KMT2D: variants seen among roughly 807,000 people sequenced by gnomAD.
KMT2D encodes histone-lysine N-methyltransferase 2D.
A neutral mutation model predicts 512.7 loss-of-function variants in KMT2D; 55 were observed. That is an observed-to-expected ratio of 0.11 (90% CI 0.09 to 0.13). The LOEUF (loss-of-function observed/expected upper bound fraction) is 0.13. Ranked by LOEUF, KMT2D falls within the 10% of genes least tolerant of loss-of-function variation. The pLI, the probability that KMT2D is intolerant of heterozygous loss-of-function variation, is 1.00. For synonymous variants in KMT2D, 2,995 were observed against 2,904.0 expected (o/e 1.03, Z -1.01); for missense variants, 6,061 against 7,127.9 (o/e 0.85, Z 5.39).
At position 49,038,532 on chromosome 12, in the gene KMT2D, A is replaced by G. The variant is rs774569172; in HGVS notation, c.8824T>C (p.Leu2942=). 6.2e-6 allele frequency: 10 copies of G among 1,610,640 alleles called. No individual in the cohort carries two copies. Among genetic ancestry groups the G allele is most frequent in the Non-Finnish European group, 8.5e-6 (10 of 1,177,406 alleles). ...QKPSAPPAPE[L]NNSLHPTPHT... ...GGTGTTGGATGAAGACTGTTGTTCA[A>G]TTCAGGGGCCGGTGGGGCTGAGGGT... The change falls in exon 35 of 55, where the codon TTG becomes CTG. Residue 2942 remains leucine, a synonymous_variant. Coordinates refer to ENST00000301067, the MANE Select transcript of KMT2D (RefSeq NM_003482.4). The surrounding 1 kb of genome is among the most constrained non-coding windows in gnomAD (Gnocchi z 5.7).
chr12:49,043,015 G>T, intron 26 of KMT2D, 61 bp downstream of exon 26: 1 of 1,558,958 alleles, frequency 6.4e-7, no homozygotes, highest in South Asian at 1.1e-5. Flanking sequence ...CCAAAGATAG[G>T]ACCTCCTCCT....
intron 1 of KMT2D, among the ~76,000 whole-genome samples, chr12:49,058,533 AAGGCCCAC>A (rs1938546833): frequency 6.6e-6 from 1 of 152,176 alleles, no homozygotes; most frequent in South Asian, 2.1e-4. Flanking sequence ...CAGCCCAAGC[AAGGCCCAC>A]AGGATTGAGG....
In KMT2D at chr12:49,040,923, T is replaced by C. The variant is rs2120537766; in HGVS notation, c.6847A>G (p.Lys2283Glu). The C allele has an allele frequency of 1.9e-6, 3 of 1,613,678 alleles. No individual in the cohort carries two copies. The highest frequency in any genetic ancestry group is 2.5e-6 in the Non-Finnish European group (3 of 1,179,696). Residue 2283 changes from lysine to glutamate, a missense_variant, in exon 32 of 55, where the codon AAG (lysine) becomes GAG (glutamate). By Grantham distance (56) the Lys-to-Glu change is moderately conservative. Around this residue, in one of 16 missense-constraint regions of KMT2D, gnomAD observed 710 missense variants for 647.3 expected, o/e 1.10. Coordinates refer to ENST00000301067, the MANE Select transcript of KMT2D (RefSeq NM_003482.4). ...TCTTCCTTCTTCACCTCTAGGGCCTTCCGGGACTCCCCAAAAGGTGGGGGC... is the reference window on the plus strand; with the variant it reads ...TCTTCCTTCTTCACCTCTAGGGCCTCCCGGGACTCCCCAAAAGGTGGGGGC... ...LSPPPFGESR[K>E]ALEVKKEELG...
In KMT2D at chr12:49,054,652, G is replaced by A. The variant is rs1938294743; in HGVS notation, c.276C>T (p.Pro92=). Residue 92 remains proline, a synonymous_variant, in exon 4 of 55, where the codon CCC becomes CCT. Coordinates refer to ENST00000301067, the MANE Select transcript of KMT2D (RefSeq NM_003482.4). This position sits in a 1 kb window ranked among gnomAD's most constrained non-coding sequence, Gnocchi z 6.4. ...LRRFELPFDW[P]RCPVVSPGGS... is the part of the protein sequence containing the mutation. The stretch of plus-strand genomic sequence containing the variant: ...CCCCAGGGGACACCACTGGACACCG[G>A]GGCCAATCAAATGGCAACTCAAAGC... The A allele has an allele frequency of 5.0e-6, 8 of 1,612,774 alleles. No individual in the cohort carries two copies. The South Asian group carries it at 5.5e-5, about 11-fold the overall frequency.
At position 49,032,303 on chromosome 12, in the gene KMT2D, C is replaced by T. The variant is rs753944196; in HGVS notation, c.12402G>A (p.Leu4134=). 1.2e-6 allele frequency: 2 copies of T among 1,613,802 alleles called. No individual in the cohort carries two copies. Among genetic ancestry groups the T allele is most frequent in the Non-Finnish European group, 8.5e-7 (1 of 1,179,844 alleles). ...CCCCTAAGGAAACAGAGGGCTGAGCCAGCAGGTGGGGCACAGATGAGGCCT... is the reference window on the plus strand; with the variant it reads ...CCCCTAAGGAAACAGAGGGCTGAGCTAGCAGGTGGGGCACAGATGAGGCCT... ...SSEASSVPHL[L]AQPSVSLGDQ... The change falls in exon 40 of 55, where the codon CTG becomes CTA. Residue 4134 remains leucine, a synonymous_variant. Coordinates refer to ENST00000301067, the MANE Select transcript of KMT2D (RefSeq NM_003482.4).
chr12:49,060,420 C>A lies in KMT2D; in HGVS notation c.-845G>T, dbSNP rs1174642532. ...TGCCCCGCCCCCGGCCTGGCCGGCT[C>A]TGGTCGGTGGCACCCCCTCGACCCC... On this transcript the variant is annotated 5_prime_UTR_variant, in exon 1 of 55. Coordinates refer to ENST00000301067, the MANE Select transcript of KMT2D (RefSeq NM_003482.4). Among the ~76,000 whole-genome samples, 1 of 152,198 alleles carries A rather than the reference C, an allele frequency of 6.6e-6. No homozygotes were observed. Among genetic ancestry groups the A allele is most frequent in the Non-Finnish European group, 1.5e-5 (1 of 68,020 alleles).
chr12:49,030,871 G>C (rs759758831), intron 41 of KMT2D, 22 bp downstream of exon 41: 1 of 1,613,468 alleles, frequency 6.2e-7, no homozygotes, highest in South Asian at 1.1e-5. Context: ...GGGACCAGGG[G>C]GACTGTCTCC....
In KMT2D at chr12:49,037,726, C is replaced by T. The variant is rs1943290097; in HGVS notation, c.9630G>A (p.Leu3210=). 3 of 1,588,070 alleles carry T rather than the reference C, an allele frequency of 1.9e-6. No individual in the cohort carries two copies. The highest frequency in any genetic ancestry group is 1.8e-5 in the Admixed American group (1 of 56,198). The stretch of plus-strand genomic sequence containing the variant: ...CCCCACTCTCGAGCTCAAACTTTTC[C>T]AGCAGGGAGGATCCTCCTGGGCCAC... ...PLSGPGGSSL[L]EKFELESGAL... The change falls in exon 35 of 55, where the codon CTG becomes CTA. Residue 3210 remains leucine (L), a synonymous_variant. Transcript: ENST00000301067.
chr12:49,032,285 G>A lies in KMT2D; in HGVS notation c.12420C>T (p.Ser4140=), dbSNP rs1942959087. 2 of 1,613,956 alleles carry A rather than the reference G, an allele frequency of 1.2e-6. No individual in the cohort carries two copies. Among genetic ancestry groups the A allele is most frequent in the Non-Finnish European group, 1.7e-6 (2 of 1,179,870 alleles). The part of the protein sequence containing the change: ...VPHLLAQPSV[S]LGDQPGSMTQ... ...TCATGGACCCAGGCTGATCCCCTAA[G>A]GAAACAGAGGGCTGAGCCAGCAGGT... Residue 4140 remains serine (S), a synonymous_variant, in exon 40 of 55, where the codon TCC becomes TCT. Coordinates refer to ENST00000301067, the MANE Select transcript of KMT2D (RefSeq NM_003482.4).
At position 49,024,169 on chromosome 12, in the gene KMT2D, C is replaced by T. The variant is rs1555185148; in HGVS notation, c.16052+409G>A. On this transcript the variant is annotated intron_variant, in intron 51 of 54. Coordinates refer to ENST00000301067, the MANE Select transcript of KMT2D (RefSeq NM_003482.4). This position sits in a 1 kb window ranked among gnomAD's most constrained non-coding sequence, Gnocchi z 4.5. Reference sequence around the variant, plus strand: ...TATTATTTTTCTATTATATCTCTAACTATTTATTTTTGACACCAACACTCA... The same window carrying T: ...TATTATTTTTCTATTATATCTCTAATTATTTATTTTTGACACCAACACTCA... The T allele has an allele frequency of 2.7e-5, 12 of 447,838 alleles. No homozygotes were observed. Among genetic ancestry groups the T allele is most frequent in the South Asian group, 1.3e-4 (8 of 61,466 alleles). 27.7% of individuals were successfully genotyped at this position (447,838 alleles called of 1,614,324 possible).
chr12:49,020,175 C>T lies in KMT2D; in HGVS notation c.*1605G>A, dbSNP rs965926326. 2 of 181,816 alleles carry T rather than the reference C, an allele frequency of 1.1e-5. No individual in the cohort carries two copies. The highest frequency in any genetic ancestry group is 4.7e-5 in the African/African-American group (2 of 42,396). The allele number at this position is 181,816 out of a possible 1,614,324, so 11.3% of individuals were successfully genotyped here. ...GCAAGGAACCCATCACCCTCTGGCTCCCCCTGGGGTCAGCTCTCTTTTGTG... is the reference window on the plus strand; with the variant it reads ...GCAAGGAACCCATCACCCTCTGGCTTCCCCTGGGGTCAGCTCTCTTTTGTG... On this transcript the variant is annotated 3_prime_UTR_variant, in exon 55 of 55. Coordinates refer to ENST00000301067, the MANE Select transcript of KMT2D (RefSeq NM_003482.4).
At chr12:49,030,813 A>G in intron 41 of KMT2D, 45 bp from the exon 42 acceptor site, 1 of 1,612,902 alleles carries the variant, frequency 6.2e-7, no homozygotes, top group Non-Finnish European at 8.5e-7. Context: ...CAGCGTTTGC[A>G]TCGCTGTCTT....
At chr12:49,027,433 G>A (rs2120373373) in intron 48 of KMT2D, 111 bp from the exon 49 acceptor site, 2 of 868,910 alleles carry the variant, frequency 2.3e-6, no homozygotes, top group African/African-American at 1.7e-5. Flanking sequence ...CTTTGCCCTA[G>A]ACAGCCTCTT....
rs1454818387 is a variant in KMT2D at position 49,049,204 on chromosome 12, ACTG to A, written c.3918_3920del (p.Ser1307del). Reference sequence around the variant, plus strand: ...CACGAGGCCGGCGTCTTCCTGGGAAACTGCTGCTGCGACCCTGAGTGAAAGAAG... The same window carrying A: ...CACGAGGCCGGCGTCTTCCTGGGAAACTGCTGCGACCCTGAGTGAAAGAAG... On this transcript the variant is annotated inframe_deletion, in exon 13 of 55. Transcript: ENST00000301067. The A allele has an allele frequency of 1.2e-6, 2 of 1,603,660 alleles. No individual in the cohort carries two copies. Among genetic ancestry groups the A allele is most frequent in the Non-Finnish European group, 1.7e-6 (2 of 1,174,442 alleles).
chr12:49,031,391 C>G lies in KMT2D; in HGVS notation c.13314G>C (p.Glu4438Asp). Residue 4438 changes from glutamate (E) to aspartate (D), a missense_variant, in exon 40 of 55, where the codon GAG becomes GAC. Glu to Asp is a conservative substitution (Grantham distance 45). This residue lies in a region of KMT2D where 1,600 missense variants were observed against 1,754.9 expected (regional missense o/e 0.91). Transcript: ENST00000301067. ...AQSVKREANG[E>D]PIGAPGTSNH... ...TGCTGGTTCCTGGTGCCCCTATTGG[C>G]TCCCCATTGGCCTCCCTCTTCACTG... 1 of 1,613,690 alleles carries G rather than the reference C, an allele frequency of 6.2e-7. No homozygotes were observed.
At position 49,053,212 on chromosome 12, in the gene KMT2D, A is replaced by C; in HGVS notation, c.949T>G (p.Cys317Gly). The C allele has an allele frequency of 6.2e-7, 1 of 1,612,882 alleles. No individual in the cohort carries two copies. The highest frequency in any genetic ancestry group is 8.5e-7 in the Non-Finnish European group (1 of 1,178,862). ...MEELPAHSWK[C>G]KACRVCRACG... ...CAGAATCAGGGTACACTCACCTTGC[A>C]CTTCCAAGAGTGAGCAGGCAGTTCC... is the stretch of plus-strand genomic sequence containing the variant. Residue 317 changes from cysteine to glycine, a missense_variant, in exon 8 of 55, where the codon TGC becomes GGC. Transcript: ENST00000301067.
chr12:49,027,027 T>C lies in KMT2D; in HGVS notation c.14939A>G (p.Lys4980Arg), dbSNP rs2120366254. ...EGEDSRPPRL[K>R]KWKGVRWKRL... ...CTTCCAGCGCACTCCTTTCCATTTC[T>C]TGAGGCGAGGAGGACGGGAATCTTC... The change falls in exon 49 of 55, where the codon AAG becomes AGG. Residue 4980 changes from lysine to arginine, a missense_variant. Lys to Arg is a conservative substitution (Grantham distance 26). Coordinates refer to ENST00000301067, the MANE Select transcript of KMT2D (RefSeq NM_003482.4). 6.2e-7 allele frequency: 1 copy of C among 1,613,990 alleles called. No individual in the cohort carries two copies. Among genetic ancestry groups the C allele is most frequent in the Admixed American group, 1.7e-5 (1 of 60,030 alleles).
chr12:49,049,747 C>T lies in KMT2D; in HGVS notation c.3841G>A (p.Gly1281Arg), dbSNP rs755192273. The T allele has an allele frequency of 2.3e-5, 37 of 1,607,332 alleles. No homozygotes were observed. Among genetic ancestry groups the T allele is most frequent in the Non-Finnish European group, 3.2e-5 (37 of 1,174,402 alleles). ...CCCTTCTCCCCCTCAGCTTTGCCTC[C>T]GCTGATAGCTGTCCCAGCATCGCAC... ...LLCDAGTAIS[G>R]GKAEGEKGRR... Residue 1281 changes from glycine to arginine, a missense_variant, in exon 12 of 55, where the codon GGA (glycine) becomes AGA (arginine). Physicochemically the swap from Gly to Arg is moderately radical, Grantham distance 125 (BLOSUM62 -2). Coordinates refer to ENST00000301067, the MANE Select transcript of KMT2D (RefSeq NM_003482.4).
chr12:49,029,279 C>T (rs1177764769), intron 44 of KMT2D, 43 bp from the exon 45 acceptor site: 2 of 1,601,408 alleles, frequency 1.2e-6, no homozygotes, highest in Non-Finnish European at 1.7e-6. Context: ...GCCCTGCAGA[C>T]TCCCCTCCCA....
Sources: allele counts gnomAD v4.1 joint callset (sites outside exome capture counted in the v4.1 genomes callset), GRCh38; gene constraint gnomAD v4.1.1; regional missense constraint gnomAD v4.1.1; non-coding constraint Gnocchi (gnomAD v3.1); transcripts MANE v1.5; gene names NCBI Gene and HGNC (gene_info 2026-07-23, HGNC 2026-07-21).